BCL2L1: variants seen among roughly 807,000 people sequenced by gnomAD.
BCL2L1 encodes the protein bcl-2-like protein 1.
A neutral mutation model predicts 18.7 loss-of-function variants in BCL2L1; 1 was observed. The observed-to-expected ratio is 0.05, with a 90% CI of 0.02 to 0.25. The LOEUF is 0.25. BCL2L1 is among the 10% of genes least tolerant of loss of function. The probability of loss-of-function intolerance (pLI) is 1.00; values close to 1 mark genes in which losing one functional copy is unlikely to be tolerated. For synonymous variants in BCL2L1, 103 were observed against 122.7 expected, an observed-to-expected ratio of 0.84 and a Z score of 1.06; for missense variants, 207 against 304.9, an observed-to-expected ratio of 0.68 and a Z score of 2.39.
chr20:31,689,880 G>A (rs1305498786), intron 2 of BCL2L1, among the ~76,000 whole-genome samples: 1 of 152,214 alleles, frequency 6.6e-6, no homozygotes, highest in Admixed American at 6.5e-5. Flanking sequence ...AGCTGGGTGT[G>A]GTGGCACATG....
intron 2 of BCL2L1, among the ~76,000 whole-genome samples, chr20:31,704,443 A>G (rs534552914): frequency 1.2e-4 from 18 of 152,274 alleles, no homozygotes; most frequent in Non-Finnish European, 2.5e-4. Flanking sequence ...AGTATTGGGC[A>G]AGAGTGATTT....
At chr20:31,678,468 AATGAAAG>A (rs1384155578) in intron 2 of BCL2L1, among the ~76,000 whole-genome samples, 26 of 152,156 alleles carry the variant, frequency 1.7e-4, no homozygotes, top group Non-Finnish European at 1.3e-4. Flanking sequence ...GCATAAGGAG[AATGAAAG>A]TAACTCATGC....
At chr20:31,699,256 C>A (rs2061239839) in intron 2 of BCL2L1, among the ~76,000 whole-genome samples, 1 of 152,192 alleles carries the variant, frequency 6.6e-6, no homozygotes, top group African/African-American at 2.4e-5. Context: ...AGGTGGAACA[C>A]CCATACTCCA....
chr20:31,696,193 A>G (rs909151985), intron 2 of BCL2L1, among the ~76,000 whole-genome samples: 6 of 152,260 alleles, frequency 3.9e-5, no homozygotes, highest in African/African-American at 1.2e-4. Flanking sequence ...AGTCCCTGAT[A>G]TATGACAGGA....
intron 2 of BCL2L1, among the ~76,000 whole-genome samples, chr20:31,698,098 G>A (rs1465648810): frequency 6.6e-6 from 1 of 151,712 alleles, no homozygotes; most frequent in African/African-American, 2.4e-5. Flanking sequence ...ATGTTGGCCA[G>A]GCTAGTCTTA....
intron 2 of BCL2L1, among the ~76,000 whole-genome samples, chr20:31,716,292 T>C (rs1326591307): frequency 6.6e-6 from 1 of 152,198 alleles, no homozygotes; most frequent in East Asian, 1.9e-4. Context: ...CTTTTAAAAC[T>C]GCAGCCCCAC....
At chr20:31,667,876 A>G in intron 2 of BCL2L1, among the ~76,000 whole-genome samples, 1 of 152,160 alleles carries the variant, frequency 6.6e-6, no homozygotes, top group South Asian at 2.1e-4. Context: ...AATCCTCAAC[A>G]TTAAGGCAGT....
intron 2 of BCL2L1, among the ~76,000 whole-genome samples, chr20:31,691,766 G>A (rs1341775621): frequency 1.3e-5 from 2 of 152,154 alleles, no homozygotes; most frequent in Non-Finnish European, 2.9e-5. Context: ...ATTTTACAAA[G>A]AGGAAACATG....
At chr20:31,688,519 A>G (rs1399335313) in intron 2 of BCL2L1, among the ~76,000 whole-genome samples, 2 of 152,114 alleles carry the variant, frequency 1.3e-5, no homozygotes, top group Non-Finnish European at 2.9e-5. Flanking sequence ...AATGTGCTGA[A>G]CCAAACTCTC....
At chr20:31,715,843 ATTTTTT>A (rs2061526322) in intron 2 of BCL2L1, among the ~76,000 whole-genome samples, 4 of 151,962 alleles carry the variant, frequency 2.6e-5, no homozygotes, top group Admixed American at 2.6e-4. Flanking sequence ...TTTTATTTTT[ATTTTTT>A]GAGACAGGGT....
intron 2 of BCL2L1, among the ~76,000 whole-genome samples, chr20:31,680,791 A>T (rs900541782): frequency 6.6e-6 from 1 of 152,242 alleles, no homozygotes; most frequent in Non-Finnish European, 1.5e-5. Flanking sequence ...ATCAAATGGG[A>T]AGAGACAGGC....
At chr20:31,668,908 A>G (rs191800929) in intron 2 of BCL2L1, among the ~76,000 whole-genome samples, 1 of 145,420 alleles carries the variant, frequency 6.9e-6, no homozygotes, top group Non-Finnish European at 1.5e-5. Flanking sequence ...CCCAGCCACC[A>G]TTTTTTTTTT....
chr20:31,710,438 C>A (rs1397564274), intron 2 of BCL2L1, among the ~76,000 whole-genome samples: 2 of 152,198 alleles, frequency 1.3e-5, no homozygotes, highest in Non-Finnish European at 2.9e-5. Context: ...AAACTGAGGC[C>A]TCAGTGGAAA....
chr20:31,684,401 G>C (rs2060920660), intron 2 of BCL2L1, among the ~76,000 whole-genome samples: 1 of 152,206 alleles, frequency 6.6e-6, no homozygotes, highest in Admixed American at 6.5e-5. Flanking sequence ...AGAGAGCTGA[G>C]AGCAGAAATG....
At chr20:31,666,775 G>A (rs2060595218) in intron 2 of BCL2L1, among the ~76,000 whole-genome samples, 1 of 152,076 alleles carries the variant, frequency 6.6e-6, no homozygotes, top group South Asian at 2.1e-4. Context: ...CGGGGTCTGT[G>A]AGGCCTTGTC....
chr20:31,696,966 G>C (rs2061181724), intron 2 of BCL2L1, among the ~76,000 whole-genome samples: 1 of 146,886 alleles, frequency 6.8e-6, no homozygotes, highest in Non-Finnish European at 1.5e-5. Flanking sequence ...TGAGGCAGGA[G>C]AATCACTTGA....
At chr20:31,667,484 C>CGT (rs3073682) in intron 2 of BCL2L1, among the ~76,000 whole-genome samples, 1,757 of 135,306 alleles carry the variant, frequency 0.013, 21 homozygotes, top group East Asian at 0.051. Flanking sequence ...ACCATAGTAC[C>CGT]GTGTGTGTGT....
chr20:31,700,197 G>A (rs1461835382), intron 2 of BCL2L1, among the ~76,000 whole-genome samples: 1 of 152,166 alleles, frequency 6.6e-6, no homozygotes, highest in Non-Finnish European at 1.5e-5. Context: ...ACAGGGCCTG[G>A]CACATAGTTG....
At position 31,703,716 on chromosome 20, in the gene BCL2L1, T is replaced by A. The variant is rs1256655474; in HGVS notation, c.564+17939A>T. On this transcript the variant is annotated intron_variant, in intron 2 of 2. Transcript: ENST00000307677. ...TGTGTTGGCCAGGCTGGTCTGGAAC[T>A]CCTGATCTCAGGTGATTCGCCTGTC... Among the ~76,000 whole-genome samples, 43 of 152,034 alleles carry A rather than the reference T, an allele frequency of 2.8e-4. 1 individual carries two copies. Among genetic ancestry groups the A allele is most frequent in the African/African-American group, 1.0e-3 (43 of 41,424 alleles).
Sources: allele counts gnomAD v4.1 joint callset (sites outside exome capture counted in the v4.1 genomes callset), GRCh38; gene constraint gnomAD v4.1.1; transcripts MANE v1.5; gene names NCBI Gene and HGNC (gene_info 2026-07-23, HGNC 2026-07-21).